DGLUCY: variants seen among roughly 807,000 people sequenced by gnomAD.
DGLUCY encodes D-glutamate cyclase, also known as D-glutamate cyclase, mitochondrial.
DGLUCY carries 58 observed loss-of-function variants against 58.5 expected under a neutral mutation model. The ratio of observed to expected loss-of-function variants is 0.99; its 90% CI spans 0.80 to 1.23. The LOEUF (loss-of-function observed/expected upper bound fraction) is 1.23, where lower values mean the gene tolerates loss of function less well. Among genes scored for constraint, DGLUCY ranks in the 50% most tolerant of loss-of-function variants. The pLI, the probability that DGLUCY is intolerant of heterozygous loss-of-function variation, is 0.00. For missense variants in DGLUCY, 779 were observed against 784.7 expected (o/e 0.99, Z 0.09); for synonymous variants, 325 against 314.1 (o/e 1.03, Z -0.37).
chr14:91,203,310 G>T (rs2050684166), intron 11 of DGLUCY, among the ~76,000 whole-genome samples: 1 of 152,182 alleles, frequency 6.6e-6, no homozygotes, highest in Non-Finnish European at 1.5e-5. Context: ...TCACAATTGT[G>T]TCATTCTTTT....
At chr14:91,177,916 G>A (rs549443205) in intron 7 of DGLUCY, among the ~76,000 whole-genome samples, 19 of 152,362 alleles carry the variant, frequency 1.2e-4, no homozygotes, top group Non-Finnish European at 2.4e-4. Flanking sequence ...GGGCGCTCAT[G>A]GTCTTGTCTG....
intron 1 of DGLUCY, among the ~76,000 whole-genome samples, chr14:91,146,438 T>C (rs2047016669): frequency 6.6e-6 from 1 of 152,206 alleles, no homozygotes; most frequent in African/African-American, 2.4e-5. Context: ...GCGCAGGTCC[T>C]TCCTCGGGGC....
chr14:91,174,530 G>A lies in DGLUCY; in HGVS notation c.607+1091G>A, dbSNP rs144352136. On this transcript the variant is annotated intron_variant, in intron 6 of 13. Transcript: ENST00000256324. Reference sequence around the variant, plus strand: ...CATGTTGGCCAGGCTGGTCTTGAACGCCTGGCCTCAAGTGGTCTGCCCGTC... The same window carrying A: ...CATGTTGGCCAGGCTGGTCTTGAACACCTGGCCTCAAGTGGTCTGCCCGTC... Among the ~76,000 whole-genome samples, 655 of 152,112 alleles carry A rather than the reference G, an allele frequency of 4.3e-3. 4 individuals carry two copies. The highest frequency in any genetic ancestry group is 0.015 in the African/African-American group (633 of 41,490).
intron 9 of DGLUCY, 100 bp downstream of exon 9, chr14:91,189,270 C>T: frequency 1.4e-6 from 2 of 1,433,850 alleles, no homozygotes; most frequent in Non-Finnish European, 1.9e-6. Flanking sequence ...CTCCTTCCAG[C>T]TCAGAACAAC....
chr14:91,091,866 G>A (rs79310291), intron 1 of DGLUCY, among the ~76,000 whole-genome samples: 22 of 152,008 alleles, frequency 1.4e-4, no homozygotes, highest in East Asian at 3.9e-4. Flanking sequence ...TTTGGGACAC[G>A]GCCTTCCTTC....
upstream of DGLUCY, among the ~76,000 whole-genome samples, chr14:91,109,831 T>C (rs1399862557): frequency 6.6e-6 from 1 of 152,216 alleles, no homozygotes; most frequent in African/African-American, 2.4e-5. Context: ...TTGGAGGGGA[T>C]ATAAACATTC....
intron 11 of DGLUCY, 30 bp downstream of exon 11, chr14:91,199,935 G>T (rs1477602163): frequency 3.1e-6 from 5 of 1,613,102 alleles, no homozygotes; most frequent in Non-Finnish European, 4.2e-6. Flanking sequence ...GATGCACCAA[G>T]AACGTGGCCC....
chr14:91,076,367 C>T (rs1425067080), intron 1 of DGLUCY, among the ~76,000 whole-genome samples: 1 of 152,126 alleles, frequency 6.6e-6, no homozygotes, highest in African/African-American at 2.4e-5. Flanking sequence ...AATCTCTAGG[C>T]TACTTATAAT....
At chr14:91,116,109 A>G (rs1337460414) in intron 1 of DGLUCY, among the ~76,000 whole-genome samples, 1 of 151,946 alleles carries the variant, frequency 6.6e-6, no homozygotes, top group Non-Finnish European at 1.5e-5. Context: ...CACAAAACCA[A>G]CCCTCTCCTT....
intron 1 of DGLUCY, among the ~76,000 whole-genome samples, chr14:91,063,021 TAAAG>T (rs1193166969): frequency 6.6e-6 from 1 of 152,086 alleles, no homozygotes; most frequent in Non-Finnish European, 1.5e-5. Context: ...ATTAATCACA[TAAAG>T]AAATATAAAC....
At chr14:91,184,032 T>G (rs549195030) in intron 8 of DGLUCY, among the ~76,000 whole-genome samples, 1 of 151,240 alleles carries the variant, frequency 6.6e-6, no homozygotes, top group Non-Finnish European at 1.5e-5. Context: ...TTCCCCAGAG[T>G]CAGGTGGGCC....
intron 1 of DGLUCY, among the ~76,000 whole-genome samples, chr14:91,150,247 G>T (rs2047248048): frequency 7.9e-6 from 1 of 126,840 alleles, no homozygotes; most frequent in Admixed American, 8.0e-5. Flanking sequence ...AAAAAATCCA[G>T]TTTGGCCTGT....
At chr14:91,167,766 A>G in intron 4 of DGLUCY, 1 of 655,196 alleles carries the variant, frequency 1.5e-6, no homozygotes, top group Non-Finnish European at 2.8e-6. Context: ...AGGCTTTTAA[A>G]CTAGAACCTA....
At chr14:91,178,345 G>A (rs1222495435) in intron 7 of DGLUCY, among the ~76,000 whole-genome samples, 1 of 152,008 alleles carries the variant, frequency 6.6e-6, no homozygotes. Context: ...TTAAATTTTT[G>A]TGGAGATGGG....
chr14:91,192,436 A>G (rs2049956443), intron 9 of DGLUCY, among the ~76,000 whole-genome samples: 1 of 152,128 alleles, frequency 6.6e-6, no homozygotes, highest in Admixed American at 6.6e-5. Flanking sequence ...GTTGCACAAC[A>G]ATGTGAAATA....
chr14:91,112,603 A>G (rs552251990), upstream of DGLUCY, among the ~76,000 whole-genome samples: 1 of 152,256 alleles, frequency 6.6e-6, no homozygotes, highest in South Asian at 2.1e-4. Flanking sequence ...TCATTTATTC[A>G]TTCACTCACT....
At chr14:91,115,327 G>A (rs943670058) in intron 1 of DGLUCY, 2 of 152,878 alleles carry the variant, frequency 1.3e-5, no homozygotes, top group African/African-American at 4.8e-5. Flanking sequence ...GAAGCAGGAA[G>A]GGGAAGGAGG....
In DGLUCY at chr14:91,224,688, A is replaced by T. The variant is rs761547213; in HGVS notation, c.1721A>T (p.Glu574Val). The change falls in exon 14 of 14, where the codon GAA (glutamate) becomes GTA (valine). Residue 574 changes from glutamate (E) to valine (V), a missense_variant. Physicochemically the swap from Glu to Val is moderately radical, Grantham distance 121. Transcript: ENST00000256324. Reference protein sequence around the residue: ...TQALPSVIKEEKMLGILVQHK... With the variant: ...TQALPSVIKEVKMLGILVQHK... ...TTCTGCCCTATTTTTTTCCAGGAAG[A>T]AAAAATGCTGGGCATCTTGGTGCAG... 5.0e-6 allele frequency: 8 copies of T among 1,590,358 alleles called. No individual in the cohort carries two copies. In the East Asian group the frequency reaches 1.1e-4, roughly 23 times the overall value.
intron 1 of DGLUCY, among the ~76,000 whole-genome samples, chr14:91,142,982 A>G (rs1210641257): frequency 7.4e-6 from 1 of 135,584 alleles, no homozygotes; most frequent in Admixed American, 7.8e-5. Context: ...GTGAGCCGAG[A>G]TCGTGCTACT....
Sources: gnomAD v4.1 joint callset for allele counts (sites outside exome capture counted in the v4.1 genomes callset) on GRCh38, gnomAD v4.1.1 for gene constraint, MANE v1.5 for transcripts, NCBI Gene and HGNC (gene_info 2026-07-23, HGNC 2026-07-21) for gene names.